The following AGBL4 variants were observed in gnomAD, a reference collection of about 807,000 sequenced individuals.
AGBL4 encodes the protein cytosolic carboxypeptidase 6.
In AGBL4, 58 loss-of-function variants were observed where a neutral mutation model predicts 66.4. That is an observed-to-expected ratio of 0.87 (90% CI 0.71 to 1.09). AGBL4 has a LOEUF of 1.09. AGBL4 is among the 50% of genes least tolerant of loss of function. AGBL4 has a pLI of 0.00. For missense variants in AGBL4, 579 were observed against 631.0 expected (o/e 0.92, Z 0.88); for synonymous variants, 234 against 222.9 (o/e 1.05, Z -0.44).
At chr1:48,872,207 G>C (rs1648742904) in intron 5 of AGBL4, among the ~76,000 whole-genome samples, 1 of 151,904 alleles carries the variant, frequency 6.6e-6, no homozygotes, top group Non-Finnish European at 1.5e-5. Flanking sequence ...TAATATTTTG[G>C]TGTATTTTCT....
At chr1:49,979,449 CAG>C (rs1306436089) in intron 1 of AGBL4, among the ~76,000 whole-genome samples, 2 of 148,112 alleles carry the variant, frequency 1.4e-5, no homozygotes, top group African/African-American at 5.0e-5. Context: ...GCCTGGGCGA[CAG>C]AGCGAGACTC....
chr1:49,229,593 T>A (rs1650156694), intron 4 of AGBL4, among the ~76,000 whole-genome samples: 1 of 152,190 alleles, frequency 6.6e-6, no homozygotes, highest in South Asian at 2.1e-4. Context: ...CAGTCATCTG[T>A]AAAATTCTTC....
chr1:49,333,472 G>A (rs567268342), intron 3 of AGBL4, among the ~76,000 whole-genome samples: 1 of 152,204 alleles, frequency 6.6e-6, no homozygotes, highest in South Asian at 2.1e-4. Context: ...GCGAGACTCT[G>A]TCTCAAACAC....
intron 6 of AGBL4, among the ~76,000 whole-genome samples, chr1:48,768,506 T>C (rs1431106444): frequency 3.3e-5 from 5 of 152,178 alleles, no homozygotes; most frequent in Non-Finnish European, 7.4e-5. Flanking sequence ...AAAGGAAGCA[T>C]GCTGGTAATA....
At chr1:49,323,166 C>T (rs1307335263) in intron 3 of AGBL4, among the ~76,000 whole-genome samples, 1 of 152,130 alleles carries the variant, frequency 6.6e-6, no homozygotes, top group South Asian at 2.1e-4. Context: ...ACTTTCAAGG[C>T]CTTTCACATT....
chr1:48,665,216 T>A (rs755891736), intron 6 of AGBL4, among the ~76,000 whole-genome samples: 9 of 152,182 alleles, frequency 5.9e-5, no homozygotes, highest in Non-Finnish European at 1.0e-4. Flanking sequence ...CTAGGCACCT[T>A]TAGGAACAAA....
chr1:49,687,859 C>T (rs372850686), intron 3 of AGBL4, among the ~76,000 whole-genome samples: 129 of 152,196 alleles, frequency 8.5e-4, no homozygotes, highest in Admixed American at 2.9e-3. Context: ...AAAGTACATA[C>T]GCAAATTCAT....
At chr1:49,082,466 C>T (rs947383103) in intron 4 of AGBL4, among the ~76,000 whole-genome samples, 1 of 152,230 alleles carries the variant, frequency 6.6e-6, no homozygotes, top group Non-Finnish European at 1.5e-5. Flanking sequence ...GGCAAAGCCA[C>T]ATTTCACATG....
At chr1:48,953,222 C>T (rs564669227) in intron 5 of AGBL4, among the ~76,000 whole-genome samples, 168 of 152,288 alleles carry the variant, frequency 1.1e-3, no homozygotes, top group African/African-American at 4.0e-3. Context: ...ATGCCCAAAA[C>T]CATACTGCCA....
chr1:49,709,425 C>G (rs1458062769), intron 2 of AGBL4, among the ~76,000 whole-genome samples: 1 of 152,140 alleles, frequency 6.6e-6, no homozygotes, highest in African/African-American at 2.4e-5. Context: ...CTCAAGTGTC[C>G]CAGGACAACT....
At chr1:48,755,425 A>G (rs931902881) in intron 6 of AGBL4, among the ~76,000 whole-genome samples, 3 of 152,244 alleles carry the variant, frequency 2.0e-5, no homozygotes, top group Admixed American at 1.3e-4. Flanking sequence ...CAAGCTAGAC[A>G]AAGGCCTTTG....
At chr1:49,604,978 T>G (rs1645036593) in intron 3 of AGBL4, among the ~76,000 whole-genome samples, 1 of 152,196 alleles carries the variant, frequency 6.6e-6, no homozygotes, top group Non-Finnish European at 1.5e-5. Flanking sequence ...ACATCACTAT[T>G]TATTGAGTAC....
At chr1:48,875,802 A>T (rs529883609) in intron 5 of AGBL4, among the ~76,000 whole-genome samples, 1 of 152,336 alleles carries the variant, frequency 6.6e-6, no homozygotes, top group African/African-American at 2.4e-5. Context: ...CAGCCGTTTG[A>T]GGCAGGTATT....
At chr1:48,825,235 T>C (rs1205668992) in intron 6 of AGBL4, among the ~76,000 whole-genome samples, 3 of 152,134 alleles carry the variant, frequency 2.0e-5, no homozygotes, top group Admixed American at 1.3e-4. Context: ...GAGGGAAAGA[T>C]TCCGATTTTA....
intron 3 of AGBL4, among the ~76,000 whole-genome samples, chr1:49,505,974 G>A (rs1378172970): frequency 6.6e-6 from 1 of 151,026 alleles, no homozygotes; most frequent in Non-Finnish European, 1.5e-5. Context: ...TCTTCTAATT[G>A]ATCATTTCTG....
chr1:49,616,904 G>A (rs1391646823), intron 3 of AGBL4, among the ~76,000 whole-genome samples: 21 of 152,080 alleles, frequency 1.4e-4, no homozygotes, highest in Non-Finnish European at 2.4e-4. Context: ...GGTACTATCC[G>A]GTTCAAACCA....
intron 3 of AGBL4, among the ~76,000 whole-genome samples, chr1:49,583,001 C>T (rs1160913407): frequency 6.6e-6 from 1 of 152,136 alleles, no homozygotes; most frequent in Non-Finnish European, 1.5e-5. Context: ...ATTCCCAGTT[C>T]CTGGTGCAGA....
intron 2 of AGBL4, among the ~76,000 whole-genome samples, chr1:49,833,171 T>C (rs1299998866): frequency 6.6e-6 from 1 of 152,232 alleles, no homozygotes; most frequent in Non-Finnish European, 1.5e-5. Flanking sequence ...AATTTTTGTA[T>C]AAGGTGTAAG....
At chr1:50,000,697 A>G (rs1185083975) in intron 1 of AGBL4, among the ~76,000 whole-genome samples, 1 of 152,210 alleles carries the variant, frequency 6.6e-6, no homozygotes, top group Non-Finnish European at 1.5e-5. Flanking sequence ...AAGTACATAA[A>G]GAAAATATGG....
Sources: gnomAD v4.1 joint callset for allele counts (sites outside exome capture counted in the v4.1 genomes callset) on GRCh38, gnomAD v4.1.1 for gene constraint, MANE v1.5 for transcripts, NCBI Gene and HGNC (gene_info 2026-07-23, HGNC 2026-07-21) for gene names.